The following PHC2 variants were observed in gnomAD, a reference collection of about 807,000 sequenced individuals.
The protein encoded by PHC2 is polyhomeotic homolog 2, also known as polyhomeotic-like protein 2.
Under a neutral mutation model 87.4 loss-of-function variants are expected in PHC2, and 29 were observed. That is an observed-to-expected ratio of 0.33 (90% CI 0.25 to 0.45). PHC2 has a LOEUF of 0.45. Ranked by LOEUF, PHC2 falls within the 20% of genes least tolerant of loss-of-function variation. The pLI, the probability that PHC2 is intolerant of heterozygous loss-of-function variation, is 1.00. For missense variants in PHC2, 857 were observed against 1,136.7 expected, an observed-to-expected ratio of 0.75 and a Z score of 3.54; for synonymous variants, 438 against 461.7, an observed-to-expected ratio of 0.95 and a Z score of 0.66.
intron 1 of PHC2, among the ~76,000 whole-genome samples, chr1:33,398,663 G>C (rs1035024920): frequency 1.9e-4 from 29 of 152,210 alleles, no homozygotes; most frequent in Admixed American, 1.9e-3. Context: ...TGGTAGTGCA[G>C]TTCTGCCCAC....
intron 7 of PHC2, among the ~76,000 whole-genome samples, chr1:33,365,920 C>T (rs1647424343): frequency 6.6e-6 from 1 of 152,236 alleles, no homozygotes; most frequent in African/African-American, 2.4e-5. Context: ...TGTGCCATGT[C>T]CTCTGAAGGA....
intron 9 of PHC2, among the ~76,000 whole-genome samples, chr1:33,338,884 G>T (rs954342580): frequency 6.6e-6 from 1 of 152,156 alleles, no homozygotes; most frequent in African/African-American, 2.4e-5. Flanking sequence ...GTGGGGGAAG[G>T]GGGAGGTAAA....
intron 1 of PHC2, among the ~76,000 whole-genome samples, chr1:33,396,492 T>C (rs1356123262): frequency 2.0e-5 from 3 of 152,240 alleles, no homozygotes; most frequent in Non-Finnish European, 2.9e-5. Context: ...TTCATTACCA[T>C]TGCCTTGGAT....
intron 1 of PHC2, among the ~76,000 whole-genome samples, chr1:33,383,764 T>C (rs1006236406): frequency 1.3e-5 from 2 of 152,124 alleles, no homozygotes; most frequent in Non-Finnish European, 2.9e-5. Context: ...AGTGTCCTTA[T>C]AAAAGAACGC....
chr1:33,413,491 G>T (rs1040646822), intron 1 of PHC2, among the ~76,000 whole-genome samples: 1 of 152,186 alleles, frequency 6.6e-6, no homozygotes, highest in Non-Finnish European at 1.5e-5. Flanking sequence ...AAAGGAGACC[G>T]CAGGCAAAGT....
chr1:33,383,736 C>T (rs1648603673), intron 1 of PHC2, among the ~76,000 whole-genome samples: 1 of 152,100 alleles, frequency 6.6e-6, no homozygotes, highest in African/African-American at 2.4e-5. Context: ...TTCTATGGGC[C>T]CCTAATCAAA....
intron 9 of PHC2, chr1:33,353,233 T>A (rs1214792311): frequency 1.3e-5 from 2 of 152,216 alleles, no homozygotes; most frequent in African/African-American, 4.8e-5. Context: ...AGATTTTCTC[T>A]TTTTTAATGG....
At chr1:33,356,750 T>C (rs1006745987) in intron 7 of PHC2, among the ~76,000 whole-genome samples, 3 of 152,182 alleles carry the variant, frequency 2.0e-5, no homozygotes, top group African/African-American at 7.2e-5. Context: ...TTTCCCCCTT[T>C]CCTATTCGAC....
At chr1:33,413,800 G>A (rs1040463803) in intron 1 of PHC2, among the ~76,000 whole-genome samples, 1 of 152,096 alleles carries the variant, frequency 6.6e-6, no homozygotes, top group Non-Finnish European at 1.5e-5. Context: ...TGTAAACCAT[G>A]AACTTCAAAT....
In PHC2 at chr1:33,402,153, T is replaced by C. The variant is rs113176004; in HGVS notation, c.-54-26560A>G. Among the ~76,000 whole-genome samples, 930 of 152,324 alleles carry C rather than the reference T, an allele frequency of 6.1e-3. 16 individuals carry two copies. Among genetic ancestry groups the C allele is most frequent in the African/African-American group, 0.021 (889 of 41,574 alleles). On this transcript the variant is annotated intron_variant, in intron 1 of 14. Transcript: ENST00000683057. ...CAGAAAAATGGGCATCACACTTGAATTGAATTTTCTACATGGCCAATAGAC... is the reference window on the plus strand; with the variant it reads ...CAGAAAAATGGGCATCACACTTGAACTGAATTTTCTACATGGCCAATAGAC...
chr1:33,371,192 G>T, intron 3 of PHC2, 98 bp from the exon 4 acceptor site: 1 of 1,025,122 alleles, frequency 9.8e-7, no homozygotes, highest in South Asian at 1.3e-5. Context: ...CTGGTGTTAA[G>T]GACAACAGCC....
chr1:33,400,998 A>G (rs576813261), intron 1 of PHC2, among the ~76,000 whole-genome samples: 2 of 152,320 alleles, frequency 1.3e-5, no homozygotes, highest in South Asian at 4.1e-4. Context: ...AACAGACTCC[A>G]GTACAATTAT....
At chr1:33,339,232 T>C (rs1171149817) in intron 9 of PHC2, among the ~76,000 whole-genome samples, 1 of 152,224 alleles carries the variant, frequency 6.6e-6, no homozygotes, top group East Asian at 1.9e-4. Flanking sequence ...AGGTGCTTAA[T>C]GACCACTAAA....
chr1:33,370,806 CCA>C (rs1647779286), intron 4 of PHC2, among the ~76,000 whole-genome samples: 1 of 152,134 alleles, frequency 6.6e-6, no homozygotes. Flanking sequence ...ACTGAGCTAT[CCA>C]CAGAGAGCCC....
At chr1:33,392,423 G>A (rs751972016) in intron 1 of PHC2, among the ~76,000 whole-genome samples, 3 of 151,968 alleles carry the variant, frequency 2.0e-5, no homozygotes, top group Non-Finnish European at 2.9e-5. Flanking sequence ...GGTGCTCTAC[G>A]GCCATACTAA....
At chr1:33,386,779 A>C (rs1204626523) in intron 1 of PHC2, among the ~76,000 whole-genome samples, 4 of 152,146 alleles carry the variant, frequency 2.6e-5, no homozygotes, top group Non-Finnish European at 2.9e-5. Context: ...CACAGCACAC[A>C]GTGCGCACAC....
chr1:33,334,012 T>C lies in PHC2; in HGVS notation c.1761+78A>G. ...AAATTGTTCACATTTTCAGAAATTT[T>C]ACATGGAAATGTAAAAATATTCTAA... On this transcript the variant is annotated intron_variant, in intron 10 of 14. Transcript: ENST00000683057. The surrounding 1 kb of genome is among the most constrained non-coding windows in gnomAD (Gnocchi z 5.5). The C allele has an allele frequency of 2.3e-6, 3 of 1,299,986 alleles. No homozygotes were observed. Among genetic ancestry groups the C allele is most frequent in the Non-Finnish European group, 2.2e-6 (2 of 925,618 alleles). The allele number at this position is 1,299,986 out of a possible 1,614,324, so 80.5% of individuals were successfully genotyped here.
chr1:33,412,640 C>A (rs566264974), intron 1 of PHC2, among the ~76,000 whole-genome samples: 3 of 152,280 alleles, frequency 2.0e-5, no homozygotes, highest in African/African-American at 7.2e-5. Flanking sequence ...TAATACAGTG[C>A]CAGATATATG....
chr1:33,349,560 C>T lies in PHC2; in HGVS notation c.1558+4841G>A. 3 of 983,376 alleles carry T rather than the reference C, an allele frequency of 3.1e-6. No homozygotes were observed. The highest frequency in any genetic ancestry group is 3.6e-6 in the Non-Finnish European group (3 of 828,430). 60.9% of individuals were successfully genotyped at this position (983,376 alleles called of 1,614,324 possible). A position where few individuals can be genotyped will look rare whatever the true frequency, so the allele number is the denominator to read the frequency against. On this transcript the variant is annotated intron_variant, in intron 9 of 14. Coordinates refer to ENST00000683057, the MANE Select transcript of PHC2 (RefSeq NM_001385109.1). This position sits in a 1 kb window ranked among gnomAD's most constrained non-coding sequence, Gnocchi z 4.2. ...GCGGCGAGCGCGGCCCCCGGCCTCCCTACTGGCGAGAACCCCTCCCCCGCC... is the reference window on the plus strand; with the variant it reads ...GCGGCGAGCGCGGCCCCCGGCCTCCTTACTGGCGAGAACCCCTCCCCCGCC...
Sources: allele counts gnomAD v4.1 joint callset (sites outside exome capture counted in the v4.1 genomes callset), GRCh38; gene constraint gnomAD v4.1.1; non-coding constraint Gnocchi (gnomAD v3.1); transcripts MANE v1.5; gene names NCBI Gene and HGNC (gene_info 2026-07-23, HGNC 2026-07-21).